Variants in AIF1L observed in about 807,000 individuals in gnomAD.
The protein encoded by AIF1L is allograft inflammatory factor 1-like.
AIF1L carries 12 observed loss-of-function variants against 20.7 expected under a neutral mutation model. That is an observed-to-expected ratio of 0.58 (90% CI 0.37 to 0.94). AIF1L has a LOEUF of 0.94. AIF1L is among the 40% of genes least tolerant of loss of function. The pLI is 0.01. For synonymous variants in AIF1L, 76 were observed against 65.1 expected (o/e 1.17, Z -0.81); for missense variants, 173 against 185.3 (o/e 0.93, Z 0.39).
intron 2 of AIF1L, chr9:131,102,829 T>G: frequency 2.2e-6 from 1 of 454,338 alleles, no homozygotes; most frequent in Non-Finnish European, 4.4e-6. Context: ...CCCGGCATGG[T>G]GCTTCCTGTC....
At position 131,121,161 on chromosome 9, in the gene AIF1L, G is replaced by A. The variant is rs893034033; in HGVS notation, c.*839G>A. On this transcript the variant is annotated 3_prime_UTR_variant, in exon 6 of 6. Coordinates refer to ENST00000247291, the MANE Select transcript of AIF1L (RefSeq NM_031426.4). ...GGAGAATGAGGAGTAAAATGCTCAC[G>A]GCAAAGTCAGCAGCACTGGTAAGCC... The A allele has an allele frequency of 4.1e-5, 29 of 710,156 alleles. No homozygotes were observed. Among genetic ancestry groups the A allele is most frequent in the South Asian group, 9.1e-5 (6 of 65,640 alleles). 44.0% of individuals were successfully genotyped at this position (710,156 alleles called of 1,614,324 possible). A position where few individuals can be genotyped will look rare whatever the true frequency, so the allele number is the denominator to read the frequency against.
At chr9:131,111,539 T>G in intron 2 of AIF1L, 58 bp from the exon 3 acceptor site, 1 of 1,508,336 alleles carries the variant, frequency 6.6e-7, no homozygotes, top group Non-Finnish European at 9.2e-7. Flanking sequence ...AGTGGGCCCA[T>G]GTGTGGGTGA....
intron 2 of AIF1L, among the ~76,000 whole-genome samples, chr9:131,110,935 A>C (rs1830864417): frequency 6.7e-6 from 1 of 149,846 alleles, no homozygotes; most frequent in South Asian, 2.2e-4. Context: ...TCTGAGGCGG[A>C]GGGGTGGGAG....
In AIF1L at chr9:131,120,607, C is replaced by A. The variant is rs1831115438; in HGVS notation, c.*285C>A. ...AAAACTAGAGGGGGCAGGGCCAGGG[C>A]AGGGAGGCTTCCAGCCTGTGTTCCC... On this transcript the variant is annotated 3_prime_UTR_variant, in exon 6 of 6. Coordinates refer to ENST00000247291, the MANE Select transcript of AIF1L (RefSeq NM_031426.4). The A allele has an allele frequency of 5.3e-6, 2 of 377,094 alleles. No homozygotes were observed. Among genetic ancestry groups the A allele is most frequent in the Admixed American group, 4.4e-5 (1 of 22,712 alleles). 23.4% of individuals were successfully genotyped at this position (377,094 alleles called of 1,614,324 possible).
chr9:131,096,794 T>C lies in AIF1L; in HGVS notation c.32-8T>C. 1 of 1,523,638 alleles carries C rather than the reference T, an allele frequency of 6.6e-7. No homozygotes were observed. The highest frequency in any genetic ancestry group is 1.4e-5 in the African/African-American group (1 of 69,696). 94.4% of individuals were successfully genotyped at this position (1,523,638 alleles called of 1,614,324 possible). On this transcript the variant is annotated splice_region_variant and splice_polypyrimidine_tract_variant and intron_variant, in intron 1 of 5. Coordinates refer to ENST00000247291, the MANE Select transcript of AIF1L (RefSeq NM_031426.4). ...CCGCTTCCCAGGCCGCCTCTTTGTC[T>C]CCTCCAGGAGGGAAGGCGTTCGGCT...
intron 3 of AIF1L, among the ~76,000 whole-genome samples, chr9:131,113,306 C>T (rs925538303): frequency 1.2e-4 from 18 of 151,550 alleles, no homozygotes; most frequent in African/African-American, 3.6e-4. Flanking sequence ...AAGACCAGCC[C>T]GGCCAACATG....
At chr9:131,115,939 A>C (rs1831001280) in intron 4 of AIF1L, among the ~76,000 whole-genome samples, 1 of 150,434 alleles carries the variant, frequency 6.6e-6, no homozygotes, top group East Asian at 1.9e-4. Context: ...GCACCATTGC[A>C]CTCCAGCCTA....
At chr9:131,104,367 G>A (rs1329572074) in intron 2 of AIF1L, among the ~76,000 whole-genome samples, 1 of 152,198 alleles carries the variant, frequency 6.6e-6, no homozygotes, top group African/African-American at 2.4e-5. Flanking sequence ...CTCCCTGGAG[G>A]GCTATAAAGT....
chr9:131,101,962 G>C (rs1050071168), intron 2 of AIF1L, among the ~76,000 whole-genome samples: 1 of 152,114 alleles, frequency 6.6e-6, no homozygotes, highest in African/African-American at 2.4e-5. Context: ...TGTCACCCAG[G>C]CTGGAGTGCA....
In AIF1L at chr9:131,096,620, C is replaced by A. The variant is rs1043348045; in HGVS notation, c.-10C>A. 19 of 1,484,240 alleles carry A rather than the reference C, an allele frequency of 1.3e-5. No individual in the cohort carries two copies. Among genetic ancestry groups the A allele is most frequent in the Non-Finnish European group, 1.5e-5 (17 of 1,125,692 alleles). The allele number at this position is 1,484,240 out of a possible 1,614,324, so 91.9% of individuals were successfully genotyped here. ...CGAAGCCTGGAGCCGGCGGGAGCCCCGCGCTCGCCATGTCGGGCGAGCTCA... is the reference window on the plus strand; with the variant it reads ...CGAAGCCTGGAGCCGGCGGGAGCCCAGCGCTCGCCATGTCGGGCGAGCTCA... On this transcript the variant is annotated 5_prime_UTR_variant, in exon 1 of 6. Transcript: ENST00000247291.
At chr9:131,100,967 G>A (rs529521726) in intron 2 of AIF1L, among the ~76,000 whole-genome samples, 5 of 152,116 alleles carry the variant, frequency 3.3e-5, no homozygotes, top group South Asian at 4.2e-4. Flanking sequence ...GCGTGATCTC[G>A]GCTCACTGCA....
At chr9:131,102,085 G>A (rs1564163863) in intron 2 of AIF1L, among the ~76,000 whole-genome samples, 2 of 151,776 alleles carry the variant, frequency 1.3e-5, no homozygotes, top group Admixed American at 1.3e-4. Flanking sequence ...GCTAATTTTT[G>A]TATTTTTAGT....
chr9:131,098,573 T>C (rs1209061585), intron 2 of AIF1L, among the ~76,000 whole-genome samples: 1 of 150,420 alleles, frequency 6.6e-6, no homozygotes, highest in East Asian at 2.0e-4. Flanking sequence ...TGACCATGGT[T>C]GGACAAGCCA....
intron 2 of AIF1L, among the ~76,000 whole-genome samples, chr9:131,109,911 T>C (rs1830837569): frequency 1.3e-5 from 2 of 151,882 alleles, no homozygotes; most frequent in South Asian, 4.1e-4. Flanking sequence ...AAAATGGGTA[T>C]AATAATAGTA....
At chr9:131,096,770 C>G in intron 1 of AIF1L, 32 bp from the exon 2 acceptor site, 1 of 1,515,736 alleles carries the variant, frequency 6.6e-7, no homozygotes, top group Non-Finnish European at 8.8e-7. Context: ...AAGAGGACCC[C>G]GCTTCCCAGG....
chr9:131,101,922 T>A (rs904289376), intron 2 of AIF1L, among the ~76,000 whole-genome samples: 1 of 152,020 alleles, frequency 6.6e-6, no homozygotes, highest in Non-Finnish European at 1.5e-5. Flanking sequence ...TTTGTTTCGC[T>A]GTTTTTCATT....
At chr9:131,114,533 C>A in intron 3 of AIF1L, 44 bp from the exon 4 acceptor site, 1 of 1,609,938 alleles carries the variant, frequency 6.2e-7, no homozygotes, top group Non-Finnish European at 8.5e-7. Context: ...CACAGGGAGA[C>A]GCTGCTTCCA....
rs1372019981 is a variant in AIF1L at position 131,120,423 on chromosome 9, G to C, written c.*101G>C. 4.1e-6 allele frequency: 4 copies of C among 979,526 alleles called. No individual in the cohort carries two copies. The highest frequency in any genetic ancestry group is 1.5e-6 in the Non-Finnish European group (1 of 667,430). 60.7% of individuals were successfully genotyped at this position (979,526 alleles called of 1,614,324 possible). On this transcript the variant is annotated 3_prime_UTR_variant, in exon 6 of 6. Coordinates refer to ENST00000247291, the MANE Select transcript of AIF1L (RefSeq NM_031426.4). Reference sequence around the variant, plus strand: ...GATCTCTCTCTCTCTCATTTGTTTGGTCATTGAGGGTTTGTTTGTGTTTTC... The same window carrying C: ...GATCTCTCTCTCTCTCATTTGTTTGCTCATTGAGGGTTTGTTTGTGTTTTC...
rs1480156290 is a variant in AIF1L at position 131,121,110 on chromosome 9, G to T, written c.*788G>T. On this transcript the variant is annotated 3_prime_UTR_variant, in exon 6 of 6. Transcript: ENST00000247291. Reference sequence around the variant, plus strand: ...CAGCTCAGTGCTGTTCCACCTTTTAGGGAGGTTACTGAGGGGACCAGGATG... The same window carrying T: ...CAGCTCAGTGCTGTTCCACCTTTTATGGAGGTTACTGAGGGGACCAGGATG... 1 of 715,290 alleles carries T rather than the reference G, an allele frequency of 1.4e-6. No individual in the cohort carries two copies. The highest frequency in any genetic ancestry group is 2.7e-5 in the East Asian group (1 of 37,266). 44.3% of individuals were successfully genotyped at this position (715,290 alleles called of 1,614,324 possible).
Sources: gnomAD v4.1 joint callset for allele counts (sites outside exome capture counted in the v4.1 genomes callset) on GRCh38, gnomAD v4.1.1 for gene constraint, MANE v1.5 for transcripts, NCBI Gene and HGNC (gene_info 2026-07-23, HGNC 2026-07-21) for gene names.